The following DNAI3 variants were observed in gnomAD, a reference collection of about 807,000 sequenced individuals.
DNAI3 encodes the protein dynein axonemal intermediate chain 3, also known as WD repeat domain 63.
A neutral mutation model predicts 115.5 loss-of-function variants in DNAI3; 83 were observed. That is an observed-to-expected ratio of 0.72 (90% CI 0.60 to 0.86). DNAI3 has a LOEUF of 0.86. DNAI3 is among the 40% of genes least tolerant of loss of function. The probability of loss-of-function intolerance (pLI) is 0.00; values close to 1 mark genes in which losing one functional copy is unlikely to be tolerated. For synonymous variants in DNAI3, 320 were observed against 347.0 expected (o/e 0.92, Z 0.86); for missense variants, 1,004 against 1,075.8 (o/e 0.93, Z 0.93).
chr1:85,116,935 GT>G (rs927706715), intron 16 of DNAI3, among the ~76,000 whole-genome samples: 8 of 152,066 alleles, frequency 5.3e-5, no homozygotes, highest in South Asian at 2.1e-4. Flanking sequence ...TTATGCTAAA[GT>G]TTTTTTTAAA....
intron 19 of DNAI3, 51 bp downstream of exon 19, chr1:85,124,302 G>T (rs776543910): frequency 6.2e-7 from 1 of 1,613,586 alleles, no homozygotes; most frequent in Non-Finnish European, 8.5e-7. Flanking sequence ...TTGTTATTCA[G>T]AAAGACAAGA....
chr1:85,092,439 C>T (rs1307576504), intron 8 of DNAI3, among the ~76,000 whole-genome samples: 1 of 151,950 alleles, frequency 6.6e-6, no homozygotes, highest in Non-Finnish European at 1.5e-5. Context: ...TTTCAACTTA[C>T]CACACCTATA....
intron 14 of DNAI3, among the ~76,000 whole-genome samples, chr1:85,105,107 T>G (rs1247037992): frequency 6.6e-6 from 1 of 152,184 alleles, no homozygotes; most frequent in Non-Finnish European, 1.5e-5. Context: ...AAGAGTAATA[T>G]CATTATCTAG....
chr1:85,123,100 T>C (rs527740278), intron 18 of DNAI3, among the ~76,000 whole-genome samples: 92 of 152,326 alleles, frequency 6.0e-4, no homozygotes, highest in Non-Finnish European at 7.5e-4. Context: ...TTCATCTCTG[T>C]CTTCCTATTC....
intron 19 of DNAI3, 35 bp downstream of exon 19, chr1:85,124,286 G>C (rs768734501): frequency 6.2e-7 from 1 of 1,613,894 alleles, no homozygotes; most frequent in African/African-American, 1.3e-5. Flanking sequence ...ATGAGTGTGT[G>C]ATCTTTTGTT....
At chr1:85,104,473 A>T in intron 13 of DNAI3, 51 bp from the exon 14 acceptor site, 1 of 1,450,482 alleles carries the variant, frequency 6.9e-7, no homozygotes, top group African/African-American at 1.4e-5. Flanking sequence ...TTTAAAAGGT[A>T]AATAGCTATG....
chr1:85,072,845 C>G (rs909107243), intron 2 of DNAI3, among the ~76,000 whole-genome samples: 2 of 149,202 alleles, frequency 1.3e-5, no homozygotes, highest in African/African-American at 2.5e-5. Context: ...GTCCCAGCTA[C>G]TCGGGAGGCT....
intron 5 of DNAI3, among the ~76,000 whole-genome samples, 196 bp from the exon 6 acceptor site, chr1:85,084,350 G>T (rs2100570374): frequency 7.1e-6 from 1 of 141,358 alleles, no homozygotes; most frequent in South Asian, 2.3e-4. Context: ...CTATATGCTT[G>T]ATACCTCTTT....
chr1:85,093,681 G>A, intron 9 of DNAI3, 33 bp downstream of exon 9: 1 of 1,612,048 alleles, frequency 6.2e-7, no homozygotes, highest in South Asian at 1.1e-5. Flanking sequence ...TCCCTTTTGT[G>A]ATAACATTGA....
intron 2 of DNAI3, 26 bp from the exon 3 acceptor site, chr1:85,073,028 T>C (rs1654334541): frequency 1.4e-6 from 2 of 1,437,464 alleles, no homozygotes; most frequent in Non-Finnish European, 1.9e-6. Context: ...AAAATGTAAA[T>C]TTGACTTCCT....
chr1:85,091,057 T>C (rs1654957560), intron 8 of DNAI3, among the ~76,000 whole-genome samples: 1 of 152,172 alleles, frequency 6.6e-6, no homozygotes, highest in South Asian at 2.1e-4. Flanking sequence ...CTAGGGAGAC[T>C]CTGGCTCAAA....
At position 85,082,398 on chromosome 1, in the gene DNAI3, T is replaced by C. The variant is rs200014540; in HGVS notation, c.384T>C (p.Tyr128=). 271 of 1,611,298 alleles carry C rather than the reference T, an allele frequency of 1.7e-4. No homozygotes were observed. Among genetic ancestry groups the C allele is most frequent in the Non-Finnish European group, 1.6e-4 (189 of 1,177,608 alleles). Residue 128 remains tyrosine, a synonymous_variant, in exon 5 of 23, where the codon TAT becomes TAC. Transcript: ENST00000294664. ...CAACTGAAGAGGGCAAAGAAAACTA[T>C]TTAAATGTGAGCAAACCCCAAGCCC... The part of the protein sequence containing the change: ...LIATEEGKEN[Y]LNPPEVPEEQ...
chr1:85,090,630 C>T (rs1032078773), intron 8 of DNAI3, among the ~76,000 whole-genome samples: 1 of 152,146 alleles, frequency 6.6e-6, no homozygotes, highest in Admixed American at 6.6e-5. Context: ...GCAAAAATAT[C>T]TTTGTAGATG....
intron 13 of DNAI3, among the ~76,000 whole-genome samples, chr1:85,104,302 A>G (rs996695347): frequency 3.3e-5 from 5 of 152,012 alleles, no homozygotes; most frequent in African/African-American, 9.7e-5. Flanking sequence ...TTGTATTTTT[A>G]GTAGAGACAG....
chr1:85,116,540 A>G (rs1655821970), intron 16 of DNAI3, among the ~76,000 whole-genome samples: 1 of 152,210 alleles, frequency 6.6e-6, no homozygotes, highest in South Asian at 2.1e-4. Flanking sequence ...CTTCTCTAAT[A>G]TATTTGTGTA....
At chr1:85,097,470 T>A (rs1397345927) in intron 11 of DNAI3, 99 bp from the exon 12 acceptor site, 1 of 1,044,718 alleles carries the variant, frequency 9.6e-7, no homozygotes, top group African/African-American at 1.6e-5. Flanking sequence ...TCCCCTAAGG[T>A]GATTGACTTA....
chr1:85,084,038 C>T (rs1654710899), intron 5 of DNAI3, among the ~76,000 whole-genome samples: 1 of 151,014 alleles, frequency 6.6e-6, no homozygotes, highest in Non-Finnish European at 1.5e-5. Context: ...CAAATTTGTT[C>T]ATTATAACTG....
intron 13 of DNAI3, among the ~76,000 whole-genome samples, chr1:85,103,118 G>A (rs1358968733): frequency 6.6e-6 from 1 of 152,052 alleles, no homozygotes; most frequent in Non-Finnish European, 1.5e-5. Context: ...CCCCACCCCT[G>A]TTTTCACCTA....
At chr1:85,098,482 C>T (rs776922186) in intron 12 of DNAI3, 48 bp from the exon 13 acceptor site, 2 of 1,596,782 alleles carry the variant, frequency 1.3e-6, no homozygotes, top group Admixed American at 3.5e-5. Flanking sequence ...TGAGTTCATT[C>T]ATCAGCCCTC....
Sources: gnomAD v4.1 joint callset for allele counts (sites outside exome capture counted in the v4.1 genomes callset) on GRCh38, gnomAD v4.1.1 for gene constraint, MANE v1.5 for transcripts, NCBI Gene and HGNC (gene_info 2026-07-23, HGNC 2026-07-21) for gene names.